SYTL2: variants seen among roughly 807,000 people sequenced by gnomAD.
SYTL2 encodes synaptotagmin-like protein 2.
In SYTL2, 165 loss-of-function variants were observed where a neutral mutation model predicts 198.7. The ratio of observed to expected loss-of-function variants is 0.83; its 90% CI spans 0.73 to 0.94. The LOEUF is 0.94. Among genes scored for constraint, SYTL2 ranks in the 40% least tolerant of loss-of-function variants. The probability of loss-of-function intolerance (pLI) is 0.00; values close to 1 mark genes in which losing one functional copy is unlikely to be tolerated. For synonymous variants in SYTL2, 966 were observed against 917.7 expected, an observed-to-expected ratio of 1.05 and a Z score of -0.95; for missense variants, 2,835 against 2,582.8, an observed-to-expected ratio of 1.10 and a Z score of -2.12.
intron 16 of SYTL2, among the ~76,000 whole-genome samples, chr11:85,702,535 T>C (rs2084494611): frequency 6.6e-6 from 1 of 152,180 alleles, no homozygotes; most frequent in Non-Finnish European, 1.5e-5. Context: ...TGCATGCTGA[T>C]TTTGAGAACT....
At chr11:85,847,335 T>C in the SYTL2 span, among the ~76,000 whole-genome samples, 1 of 152,220 alleles carries the variant, frequency 6.6e-6, no homozygotes, top group Non-Finnish European at 1.5e-5. Context: ...AGCTCAATTC[T>C]TTTGAGACCC....
Position 85,764,214 on chromosome 11 carries a change from G to A in SYTL2, c.-389-6100C>T, listed in dbSNP as rs572563575. Among the ~76,000 whole-genome samples the A allele has an allele frequency of 3.9e-5, 6 of 152,318 alleles. No homozygotes were observed. In the South Asian group the frequency reaches 1.0e-3, roughly 26 times the overall value. On this transcript the variant is annotated intron_variant, in intron 1 of 19. Transcript: ENST00000359152. ...CTCCCCACCTCTTCTTAGTTGAGGG[G>A]ATAAAAAACTTTGTTGTTCCCTCAA...
chr11:85,780,711 C>T (rs2092545203), intron 1 of SYTL2, among the ~76,000 whole-genome samples: 1 of 152,170 alleles, frequency 6.6e-6, no homozygotes, highest in African/African-American at 2.4e-5. Flanking sequence ...CTGGTAAATA[C>T]AAGTAAAGTT....
chr11:85,697,285 C>A (rs2083540629), intron 18 of SYTL2, among the ~76,000 whole-genome samples: 1 of 152,150 alleles, frequency 6.6e-6, no homozygotes, highest in African/African-American at 2.4e-5. Flanking sequence ...AGTGATCCGT[C>A]CGCCTTGGCC....
Position 85,798,585 on chromosome 11 carries a change from A to T in SYTL2, c.-390+12369T>A, listed in dbSNP as rs146665078. Among the ~76,000 whole-genome samples, 356 of 152,346 alleles carry T rather than the reference A, an allele frequency of 2.3e-3. 1 individual carries two copies. Among genetic ancestry groups the T allele is most frequent in the East Asian group, 0.015 (77 of 5,190 alleles). On this transcript the variant is annotated intron_variant, in intron 1 of 19. Transcript: ENST00000359152. ...TAACTCAACAGGACAACATACAGTC[A>T]TATTCACAGCTATGACTTATTACAG... is the stretch of plus-strand genomic sequence containing the variant.
rs538506099 is a variant in SYTL2 at position 85,751,280 on chromosome 11, A to G, written c.102-2857T>C. On this transcript the variant is annotated intron_variant, in intron 2 of 19. Transcript: ENST00000359152. ...CTTGTACTATTTCGTAGATAAATCCATATGTATAACATCAAAGTTTTGTAA... is the reference window on the plus strand; with the variant it reads ...CTTGTACTATTTCGTAGATAAATCCGTATGTATAACATCAAAGTTTTGTAA... 1.4e-3 allele frequency among the ~76,000 whole-genome samples: 208 copies of G among 152,300 alleles called. 3 individuals carry two copies. Among genetic ancestry groups the G allele is most frequent in the African/African-American group, 4.4e-3 (181 of 41,574 alleles).
intron 13 of SYTL2, 82 bp from the exon 14 acceptor site, chr11:85,709,582 G>A: frequency 7.5e-7 from 1 of 1,326,016 alleles, no homozygotes; most frequent in Non-Finnish European, 1.1e-6. Context: ...AATCCCTGCT[G>A]GCATTATTTC....
intron 1 of SYTL2, among the ~76,000 whole-genome samples, chr11:85,789,342 A>ATATATATATATATATATATATATATG (rs1566025915): frequency 1.3e-3 from 28 of 21,352 alleles, no homozygotes; most frequent in Non-Finnish European, 2.7e-3. Flanking sequence ...GTGTGTGTGT[A>ATATATATATATATATATATATATATG]TATATATATA....
At chr11:85,745,834 T>G in intron 3 of SYTL2, 62 bp from the exon 4 acceptor site, 2 of 1,500,818 alleles carry the variant, frequency 1.3e-6, no homozygotes, top group Non-Finnish European at 1.8e-6. Flanking sequence ...TACAACTCTC[T>G]TATCAGCTCT....
intron 4 of SYTL2, among the ~76,000 whole-genome samples, chr11:85,741,281 C>T (rs2090768269): frequency 6.6e-6 from 1 of 152,106 alleles, no homozygotes; most frequent in South Asian, 2.1e-4. Context: ...GAAGAAACGG[C>T]TCAGGGATGG....
rs2083181033 is a variant in SYTL2 at position 85,694,665 on chromosome 11, A to C, written c.*530T>G. The C allele has an allele frequency of 6.6e-6, 1 of 152,070 alleles. No individual in the cohort carries two copies. Among genetic ancestry groups the C allele is most frequent in the Non-Finnish European group, 1.5e-5 (1 of 68,010 alleles). The allele number at this position is 152,070 out of a possible 1,614,324, so 9.4% of individuals were successfully genotyped here. On this transcript the variant is annotated 3_prime_UTR_variant, in exon 20 of 20. Transcript: ENST00000359152. ...TTTCAGTCTCATTGCCCTAATATGG[A>C]ATTCCATATTTTATTAGAGATTACA... is the stretch of plus-strand genomic sequence containing the variant.
chr11:85,844,782 C>T, the SYTL2 span, among the ~76,000 whole-genome samples: 2 of 152,044 alleles, frequency 1.3e-5, no homozygotes, highest in South Asian at 4.2e-4. Context: ...GGAACCTGAC[C>T]CTGTCCTGCC....
the SYTL2 span, among the ~76,000 whole-genome samples, chr11:85,817,878 T>C: frequency 1.3e-5 from 2 of 151,106 alleles, no homozygotes; most frequent in African/African-American, 4.9e-5. Context: ...TATTTTCAAG[T>C]ACAGAAGGAC....
intron 11 of SYTL2, chr11:85,716,901 A>C (rs2087373390): frequency 1.3e-5 from 2 of 152,216 alleles, no homozygotes; most frequent in South Asian, 4.1e-4. Flanking sequence ...ATTAGTCACC[A>C]CAGGTATACA....
chr11:85,698,258 A>G (rs181101897), intron 17 of SYTL2, among the ~76,000 whole-genome samples, 180 bp from the exon 18 acceptor site: 1 of 152,312 alleles, frequency 6.6e-6, no homozygotes, highest in Admixed American at 6.5e-5. Context: ...GTTTTACTGA[A>G]CTCGATAGCT....
chr11:85,747,716 G>A (rs568655509), intron 3 of SYTL2, among the ~76,000 whole-genome samples: 1 of 152,270 alleles, frequency 6.6e-6, no homozygotes, highest in African/African-American at 2.4e-5. Flanking sequence ...GCAAGGAGAT[G>A]CTGTGTCAGC....
chr11:85,725,239 T>C lies in SYTL2; in HGVS notation c.4119A>G (p.Ala1373=). ...PRPVLNDVSA[A]LQKLCGEVWL... is the part of the protein sequence containing the mutation. Reference sequence around the variant, plus strand: ...ATACTTCTCCACACAGCTTCTGTAATGCAGCACTTACATCATTCAATACAG... The same window carrying C: ...ATACTTCTCCACACAGCTTCTGTAACGCAGCACTTACATCATTCAATACAG... The change falls in exon 8 of 20, where the codon GCA becomes GCG. Residue 1373 remains alanine, a synonymous_variant. Transcript: ENST00000359152. The C allele has an allele frequency of 6.2e-7, 1 of 1,614,188 alleles. No individual in the cohort carries two copies. The highest frequency in any genetic ancestry group is 1.1e-5 in the South Asian group (1 of 91,086).
intron 6 of SYTL2, 48 bp from the exon 7 acceptor site, chr11:85,734,790 ATAAT>A (rs1565951574): frequency 1.5e-6 from 2 of 1,310,880 alleles, no homozygotes; most frequent in Non-Finnish European, 1.1e-6. Context: ...AGAGTAATAT[ATAAT>A]TTAAAATACC....
chr11:85,825,043 T>G, the SYTL2 span, among the ~76,000 whole-genome samples: 1 of 152,176 alleles, frequency 6.6e-6, no homozygotes, highest in African/African-American at 2.4e-5. Flanking sequence ...GAATGCTGCA[T>G]AAATCAGTGT....
Sources: allele counts gnomAD v4.1 joint callset (sites outside exome capture counted in the v4.1 genomes callset), GRCh38; gene constraint gnomAD v4.1.1; transcripts MANE v1.5; gene names NCBI Gene and HGNC (gene_info 2026-07-23, HGNC 2026-07-21).